Variants in ADGRG6 observed in about 807,000 individuals in gnomAD.
The protein encoded by ADGRG6 is adhesion G protein-coupled receptor G6.
ADGRG6 carries 84 observed loss-of-function variants against 142.4 expected under a neutral mutation model. The ratio of observed to expected loss-of-function variants is 0.59; its 90% CI spans 0.49 to 0.71. The LOEUF (loss-of-function observed/expected upper bound fraction) is 0.71, where lower values mean the gene tolerates loss of function less well. Ranked by LOEUF, ADGRG6 falls within the 30% of genes least tolerant of loss-of-function variation. The pLI is 0.00. For missense variants in ADGRG6, 1,367 were observed against 1,466.6 expected (o/e 0.93, Z 1.11); for synonymous variants, 521 against 520.5 (o/e 1.00, Z -0.01).
intron 1 of ADGRG6, among the ~76,000 whole-genome samples, chr6:142,307,086 T>A (rs1390715942): frequency 6.6e-6 from 1 of 152,160 alleles, no homozygotes; most frequent in Admixed American, 6.6e-5. Context: ...AAACCTTTTA[T>A]AGCAAAGAAG....
chr6:142,321,606 C>G (rs1050393045), intron 2 of ADGRG6, among the ~76,000 whole-genome samples: 1 of 151,858 alleles, frequency 6.6e-6, no homozygotes, highest in African/African-American at 2.4e-5. Context: ...AGTACGTACT[C>G]TATGATTTTG....
intron 17 of ADGRG6, 75 bp downstream of exon 17, chr6:142,409,994 CT>C: frequency 1.6e-6 from 1 of 620,070 alleles, no homozygotes; most frequent in Non-Finnish European, 2.8e-6. Flanking sequence ...CCCCCATTTC[CT>C]TTAATTCCAC....
Position 142,403,792 on chromosome 6 carries a change from G to A in ADGRG6, c.1956-10G>A, listed in dbSNP as rs745879299. The stretch of plus-strand genomic sequence containing the variant: ...TTACTTAATAGTGGCATTTTTTGTC[G>A]TTACTTTAGAGCTTTAAAAACAATT... On this transcript the variant is annotated splice_polypyrimidine_tract_variant and intron_variant, in intron 13 of 24. Transcript: ENST00000367609. 33 of 1,533,090 alleles carry A rather than the reference G, an allele frequency of 2.2e-5. No individual in the cohort carries two copies. Among genetic ancestry groups the A allele is most frequent in the South Asian group, 6.1e-5 (5 of 81,302 alleles). The allele number at this position is 1,533,090 out of a possible 1,614,324, so 95.0% of individuals were successfully genotyped here.
At chr6:142,359,397 C>T (rs970016515) in intron 2 of ADGRG6, among the ~76,000 whole-genome samples, 3 of 152,170 alleles carry the variant, frequency 2.0e-5, no homozygotes, top group Non-Finnish European at 2.9e-5. Flanking sequence ...ACTTTACACA[C>T]GATGCTCCAG....
intron 2 of ADGRG6, among the ~76,000 whole-genome samples, chr6:142,353,805 T>A (rs1780304416): frequency 1.3e-5 from 2 of 152,180 alleles, no homozygotes; most frequent in African/African-American, 4.8e-5. Flanking sequence ...AGGCTGTACC[T>A]AAAAATGACG....
intron 8 of ADGRG6, among the ~76,000 whole-genome samples, chr6:142,393,474 G>A (rs1274267650): frequency 6.6e-6 from 1 of 151,986 alleles, no homozygotes; most frequent in African/African-American, 2.4e-5. Flanking sequence ...TCAGCAATTT[G>A]TATTGTCCAT....
intron 6 of ADGRG6, among the ~76,000 whole-genome samples, chr6:142,388,893 A>T (rs571146996): frequency 6.6e-6 from 1 of 152,176 alleles, no homozygotes; most frequent in South Asian, 2.1e-4. Context: ...CCTCCCAATC[A>T]TTCAGAACAT....
chr6:142,402,665 A>T lies in ADGRG6; in HGVS notation c.1790A>T (p.Asp597Val), dbSNP rs146727650. The T allele has an allele frequency of 8.0e-4, 1,293 of 1,609,202 alleles. 5 individuals carry two copies. The highest frequency in any genetic ancestry group is 8.1e-4 in the Non-Finnish European group (949 of 1,176,778). Residue 597 changes from aspartate to valine, a missense_variant, in exon 13 of 25, where the codon GAT (aspartate) becomes GTT (valine). Transcript: ENST00000367609. The stretch of plus-strand genomic sequence containing the variant: ...AACCAGATTTTAAATTTAACTGCTG[A>T]TGGGCAGAACTTAACCTCAGCCAAT... ...VANQILNLTA[D>V]GQNLTSANIT...
chr6:142,367,902 A>G lies in ADGRG6; in HGVS notation c.437A>G (p.Tyr146Cys), dbSNP rs756981737. 5.0e-6 allele frequency: 8 copies of G among 1,596,366 alleles called. No individual in the cohort carries two copies. The highest frequency in any genetic ancestry group is 1.7e-6 in the Non-Finnish European group (2 of 1,170,578). ...SIQKKGFNASYIRVAVSLRNQ... is the reference protein window; with the variant it reads ...SIQKKGFNASCIRVAVSLRNQ... The stretch of plus-strand genomic sequence containing the variant: ...CAGAAGAAAGGTTTCAATGCCAGCT[A>G]CATCAGAGGTATGTAAACCAAAGGC... The change falls in exon 3 of 25, where the codon TAC becomes TGC. Residue 146 changes from tyrosine (Y) to cysteine (C), a missense_variant. Around this residue, in one of 3 missense-constraint regions of ADGRG6, gnomAD observed 737 missense variants for 746.5 expected, o/e 0.99. Coordinates refer to ENST00000367609, the MANE Select transcript of ADGRG6 (RefSeq NM_198569.3).
At chr6:142,397,556 C>A (rs1272005336) in intron 9 of ADGRG6, 57 bp from the exon 10 acceptor site, 2 of 1,543,332 alleles carry the variant, frequency 1.3e-6, no homozygotes, top group Non-Finnish European at 1.8e-6. Context: ...TTTCTCCTAC[C>A]AAATGACAAG....
intron 2 of ADGRG6, among the ~76,000 whole-genome samples, chr6:142,326,090 A>G (rs1778763472): frequency 6.6e-6 from 1 of 152,090 alleles, no homozygotes; most frequent in South Asian, 2.1e-4. Context: ...ATGTTTGCAA[A>G]ATATGCATGC....
intron 2 of ADGRG6, among the ~76,000 whole-genome samples, chr6:142,344,699 G>A (rs1019742755): frequency 6.6e-6 from 1 of 151,860 alleles, no homozygotes; most frequent in Non-Finnish European, 1.5e-5. Flanking sequence ...AAAACTGTAA[G>A]GAAAAAGCTT....
At chr6:142,333,053 TATTGAAATGGTG>T (rs1201876677) in intron 2 of ADGRG6, among the ~76,000 whole-genome samples, 1 of 152,262 alleles carries the variant, frequency 6.6e-6, no homozygotes, top group Admixed American at 6.5e-5. Flanking sequence ...AGGTTTCCAT[TATTGAAATGGTG>T]ATTGAAATGG....
chr6:142,442,155 G>A (rs1038109925), intron 24 of ADGRG6, among the ~76,000 whole-genome samples: 2 of 152,168 alleles, frequency 1.3e-5, no homozygotes, highest in Non-Finnish European at 2.9e-5. Flanking sequence ...AATGTAAAAA[G>A]CATTGGAGTG....
intron 21 of ADGRG6, among the ~76,000 whole-genome samples, chr6:142,418,307 A>AC (rs1331875999): frequency 8.6e-5 from 13 of 151,254 alleles, no homozygotes; most frequent in African/African-American, 3.1e-4. Context: ...AAAAAAAAAA[A>AC]AAAAAAAAAA....
chr6:142,310,444 T>C (rs529718546), intron 2 of ADGRG6, among the ~76,000 whole-genome samples: 1 of 151,512 alleles, frequency 6.6e-6, no homozygotes, highest in Admixed American at 6.6e-5. Context: ...AAAGCTAAAA[T>C]GTCAATTAAG....
chr6:142,382,261 G>A (rs557512752), intron 5 of ADGRG6, among the ~76,000 whole-genome samples: 1 of 152,180 alleles, frequency 6.6e-6, no homozygotes, highest in East Asian at 1.9e-4. Flanking sequence ...TTAAAAATGT[G>A]AATTTATATC....
intron 7 of ADGRG6, 97 bp downstream of exon 7, chr6:142,390,440 C>A: frequency 1.6e-6 from 1 of 623,290 alleles, no homozygotes; most frequent in Non-Finnish European, 2.9e-6. Flanking sequence ...CATACTGAAA[C>A]ACAGATGGTA....
intron 14 of ADGRG6, 30 bp from the exon 15 acceptor site, chr6:142,405,658 T>G: frequency 6.4e-7 from 1 of 1,568,478 alleles, no homozygotes; most frequent in Non-Finnish European, 8.8e-7. Flanking sequence ...TTATGATTAC[T>G]TGACCAATAT....
Sources: allele counts gnomAD v4.1 joint callset (sites outside exome capture counted in the v4.1 genomes callset), GRCh38; gene constraint gnomAD v4.1.1; regional missense constraint gnomAD v4.1.1; transcripts MANE v1.5; gene names NCBI Gene and HGNC (gene_info 2026-07-23, HGNC 2026-07-21).